Variants in NAV2 observed in about 807,000 individuals in gnomAD.
NAV2 encodes helicase, APC down-regulated 1.
A neutral mutation model predicts 223.2 loss-of-function variants in NAV2; 54 were observed. That is an observed-to-expected ratio of 0.24 (90% CI 0.19 to 0.30). The LOEUF (loss-of-function observed/expected upper bound fraction) is 0.30. Among genes scored for constraint, NAV2 ranks in the 10% least tolerant of loss-of-function variants. The pLI, the probability that NAV2 is intolerant of heterozygous loss-of-function variation, is 1.00. For synonymous variants in NAV2, 1,279 were observed against 1,239.3 expected (o/e 1.03, Z -0.67); for missense variants, 2,806 against 3,147.5 (o/e 0.89, Z 2.60).
chr11:19,483,243 A>G (rs1444748739), intron 1 of NAV2, among the ~76,000 whole-genome samples: 1 of 152,248 alleles, frequency 6.6e-6, no homozygotes, highest in African/African-American at 2.4e-5. Flanking sequence ...AGAAATGAAC[A>G]ATCCTTAAGT....
chr11:19,347,551 A>G (rs1853073075), upstream of NAV2, among the ~76,000 whole-genome samples: 1 of 152,186 alleles, frequency 6.6e-6, no homozygotes, highest in African/African-American at 2.4e-5. Context: ...GAAGATCTTC[A>G]GTAAGAGTGG....
Position 19,713,637 on chromosome 11 carries a change from C to T in NAV2, c.-59C>T, listed in dbSNP as rs1044696627. 5 of 1,493,052 alleles carry T rather than the reference C, an allele frequency of 3.3e-6. No homozygotes were observed. The South Asian group carries it at 4.2e-5, about 12-fold the overall frequency. The allele number at this position is 1,493,052 out of a possible 1,614,324, so 92.5% of individuals were successfully genotyped here. A position where few individuals can be genotyped will look rare whatever the true frequency, so the allele number is the denominator to read the frequency against. The stretch of plus-strand genomic sequence containing the variant: ...GCTCTGCTACCCGCGCTGCCTTTAG[C>T]GGTCGCCCCCGCCGCCGCTGCCAGG... On this transcript the variant is annotated 5_prime_UTR_variant, in exon 1 of 38. Coordinates refer to ENST00000349880, the MANE Select transcript of NAV2 (RefSeq NM_145117.5). The surrounding 1 kb of genome is among the most constrained non-coding windows in gnomAD (Gnocchi z 7.2).
intron 1 of NAV2, among the ~76,000 whole-genome samples, chr11:19,565,679 T>C (rs1393317791): frequency 6.6e-6 from 1 of 152,182 alleles, no homozygotes; most frequent in African/African-American, 2.4e-5. Flanking sequence ...TTAATGCCAG[T>C]AAAATGACTA....
At chr11:19,994,929 C>T (rs1275075999) in intron 11 of NAV2, among the ~76,000 whole-genome samples, 2 of 152,222 alleles carry the variant, frequency 1.3e-5, no homozygotes, top group African/African-American at 2.4e-5. Context: ...CCAGTGACTA[C>T]TCTCTGTCCT....
At chr11:19,899,511 C>G (rs2042268751) in intron 6 of NAV2, among the ~76,000 whole-genome samples, 1 of 152,150 alleles carries the variant, frequency 6.6e-6, no homozygotes, top group African/African-American at 2.4e-5. Flanking sequence ...AGGTTACTTT[C>G]TTCATTTGTT....
At chr11:19,916,733 A>G (rs1371823631) in intron 6 of NAV2, among the ~76,000 whole-genome samples, 2 of 152,230 alleles carry the variant, frequency 1.3e-5, no homozygotes, top group Non-Finnish European at 2.9e-5. Context: ...TTCGAGGGCC[A>G]TGGGGTCTCT....
At chr11:19,408,862 C>T (rs1026751567) in intron 1 of NAV2, among the ~76,000 whole-genome samples, 3 of 152,126 alleles carry the variant, frequency 2.0e-5, no homozygotes, top group Non-Finnish European at 4.4e-5. Flanking sequence ...GACAGCCCTC[C>T]TGCCCCCGAG....
chr11:19,428,470 T>C (rs1406773078), intron 1 of NAV2, among the ~76,000 whole-genome samples: 1 of 152,224 alleles, frequency 6.6e-6, no homozygotes, highest in African/African-American at 2.4e-5. Flanking sequence ...ATTTAATTGG[T>C]TTCGCATCCA....
chr11:19,873,365 C>T (rs1160271044), intron 4 of NAV2, among the ~76,000 whole-genome samples: 2 of 151,964 alleles, frequency 1.3e-5, no homozygotes, highest in Non-Finnish European at 2.9e-5. Flanking sequence ...GGGACATTTC[C>T]CCCCAGATTT....
At chr11:19,963,044 T>C (rs2048463976) in intron 10 of NAV2, among the ~76,000 whole-genome samples, 1 of 152,162 alleles carries the variant, frequency 6.6e-6, no homozygotes. Flanking sequence ...GAAATAAATG[T>C]GGTGTTGGCT....
Position 19,462,587 on chromosome 11 carries a change from G to A in NAV2, c.75+111560G>A, listed in dbSNP as rs1307239171. 2.0e-5 allele frequency among the ~76,000 whole-genome samples: 3 copies of A among 152,272 alleles called. No individual in the cohort carries two copies. The East Asian group carries it at 5.8e-4, about 29-fold the overall frequency. On this transcript the variant is annotated intron_variant, in intron 1 of 37. Transcript: ENST00000360655. ...GTATGCTTTTGTATTTCATCTCCAA[G>A]TCATATATAAACTGCCTGAGATAGA...
intron 1 of NAV2, among the ~76,000 whole-genome samples, chr11:19,626,163 T>G (rs2047163478): frequency 6.6e-6 from 1 of 152,224 alleles, no homozygotes; most frequent in African/African-American, 2.4e-5. Context: ...GTTTTATAGT[T>G]TTGGGTCTTA....
At chr11:19,896,820 G>T (rs2042019031) in intron 6 of NAV2, among the ~76,000 whole-genome samples, 1 of 152,226 alleles carries the variant, frequency 6.6e-6, no homozygotes, top group Non-Finnish European at 1.5e-5. Context: ...GGAAGTCAGT[G>T]TGGTGATTCC....
At chr11:19,714,208 G>A (rs370694671) in intron 1 of NAV2, 4 of 691,490 alleles carry the variant, frequency 5.8e-6, no homozygotes, top group East Asian at 2.8e-5. Context: ...CACGTCTGCA[G>A]CATCTTCCTG....
intron 1 of NAV2, chr11:19,575,260 T>A (rs2045540102): frequency 1.3e-5 from 2 of 154,364 alleles, no homozygotes; most frequent in South Asian, 4.1e-4. Context: ...TTAGCAGTGA[T>A]TAACCCCAAA....
At chr11:19,493,716 G>A (rs577270569) in intron 1 of NAV2, among the ~76,000 whole-genome samples, 1 of 152,290 alleles carries the variant, frequency 6.6e-6, no homozygotes, top group Admixed American at 6.5e-5. Context: ...TCCCTTTAGA[G>A]CTGCCTGGGA....
intron 1 of NAV2, among the ~76,000 whole-genome samples, chr11:19,821,263 A>C (rs2059367385): frequency 5.7e-4 from 1 of 1,750 alleles, no homozygotes; most frequent in Non-Finnish European, 1.7e-3. Flanking sequence ...CTCTGTCTCA[A>C]AAAAAAAAAA....
rs779776112 is a variant in NAV2 at position 20,049,046 on chromosome 11, C to T, written c.4221C>T (p.Leu1407=). The T allele has an allele frequency of 2.5e-6, 4 of 1,614,148 alleles. No homozygotes were observed. Among genetic ancestry groups the T allele is most frequent in the Non-Finnish European group, 3.4e-6 (4 of 1,180,028 alleles). ...DGLGFQSVSS[L]HTSCESIDIS... ...TGGGCTTTCAGTCTGTCAGCAGCCT[C>T]CACACCAGCTGTGAGTCCATCGACA... The change falls in exon 15 of 38, where the codon CTC becomes CTT. Residue 1407 remains leucine (L), a synonymous_variant. Coordinates refer to ENST00000349880, the MANE Select transcript of NAV2 (RefSeq NM_145117.5).
chr11:19,890,356 G>A (rs766560746), intron 5 of NAV2, among the ~76,000 whole-genome samples: 16 of 152,162 alleles, frequency 1.1e-4, no homozygotes, highest in African/African-American at 3.9e-4. Flanking sequence ...CCTCTATAAA[G>A]TCCTTATCCT....
Sources: gnomAD v4.1 joint callset for allele counts (sites outside exome capture counted in the v4.1 genomes callset) on GRCh38, gnomAD v4.1.1 for gene constraint, Gnocchi (gnomAD v3.1) non-coding constraint, MANE v1.5 for transcripts, NCBI Gene and HGNC (gene_info 2026-07-23, HGNC 2026-07-21) for gene names.